Variants in ENTPD1 observed in about 807,000 individuals in gnomAD.
ENTPD1 encodes the protein ATP diphosphohydrolase.
Under a neutral mutation model 57.0 loss-of-function variants are expected in ENTPD1, and 33 were observed. The ratio of observed to expected loss-of-function variants is 0.58; its 90% CI spans 0.44 to 0.77. The LOEUF (loss-of-function observed/expected upper bound fraction) is 0.77, where lower values mean the gene tolerates loss of function less well. Ranked by LOEUF, ENTPD1 falls within the 30% of genes least tolerant of loss-of-function variation. ENTPD1 has a pLI of 0.00. For synonymous variants in ENTPD1, 202 were observed against 218.8 expected, an observed-to-expected ratio of 0.92 and a Z score of 0.68; for missense variants, 501 against 603.4, an observed-to-expected ratio of 0.83 and a Z score of 1.78.
At chr10:95,824,074 C>T (rs192840300) in intron 2 of ENTPD1, among the ~76,000 whole-genome samples, 58 of 152,256 alleles carry the variant, frequency 3.8e-4, no homozygotes, top group African/African-American at 1.3e-3. Context: ...GAATATCTCA[C>T]AAGTACTTTG....
chr10:95,743,498 G>C (rs2098002543), intron 1 of ENTPD1, among the ~76,000 whole-genome samples: 1 of 152,162 alleles, frequency 6.6e-6, no homozygotes, highest in South Asian at 2.1e-4. Context: ...CTCCTAGAGA[G>C]TGGAGTATTT....
At chr10:95,778,683 G>A (rs2098143753) in intron 1 of ENTPD1, among the ~76,000 whole-genome samples, 4 of 151,912 alleles carry the variant, frequency 2.6e-5, no homozygotes, top group Admixed American at 2.6e-4. Context: ...TTTATTTTCT[G>A]ATAGTTTATT....
intron 1 of ENTPD1, among the ~76,000 whole-genome samples, chr10:95,780,967 C>T (rs372004610): frequency 3.0e-4 from 46 of 152,116 alleles, no homozygotes; most frequent in Non-Finnish European, 4.7e-4. Context: ...CTCCCATGTT[C>T]GTTGCAGCAT....
At chr10:95,746,267 G>C (rs1346788410) in intron 1 of ENTPD1, among the ~76,000 whole-genome samples, 3 of 152,204 alleles carry the variant, frequency 2.0e-5, no homozygotes, top group Non-Finnish European at 4.4e-5. Context: ...GCCAGAGTCT[G>C]TGTTGGGAGT....
chr10:95,752,418 G>T (rs1283231195), upstream of ENTPD1, among the ~76,000 whole-genome samples: 3 of 152,174 alleles, frequency 2.0e-5, no homozygotes, highest in African/African-American at 7.2e-5. Flanking sequence ...ACTTTGGGAG[G>T]CCGAGGTGGG....
chr10:95,839,173 C>G (rs1590096232), intron 2 of ENTPD1: 1 of 158,528 alleles, frequency 6.3e-6, no homozygotes, highest in Non-Finnish European at 1.4e-5. Flanking sequence ...CTTATCTGCA[C>G]ATTAGAATCA....
At chr10:95,824,066 A>T (rs908444883) in intron 2 of ENTPD1, among the ~76,000 whole-genome samples, 9 of 152,246 alleles carry the variant, frequency 5.9e-5, no homozygotes, top group Non-Finnish European at 1.0e-4. Context: ...TCAGACATGA[A>T]TATCTCACAA....
intron 1 of ENTPD1, among the ~76,000 whole-genome samples, chr10:95,740,992 G>A (rs1377052746): frequency 6.6e-6 from 1 of 152,150 alleles, no homozygotes; most frequent in Non-Finnish European, 1.5e-5. Flanking sequence ...TAGTAATAAG[G>A]CTGTTTCTCT....
At chr10:95,819,005 C>A (rs907214381) in intron 1 of ENTPD1, among the ~76,000 whole-genome samples, 1 of 152,122 alleles carries the variant, frequency 6.6e-6, no homozygotes, top group Non-Finnish European at 1.5e-5. Context: ...ATCTGCAAAG[C>A]AAAACTTTTT....
At chr10:95,703,349 A>G in the ENTPD1 span, among the ~76,000 whole-genome samples, 1 of 152,370 alleles carries the variant, frequency 6.6e-6, no homozygotes, top group Admixed American at 6.5e-5. Flanking sequence ...CAATGGAAAG[A>G]ATAAATATAA....
intron 1 of ENTPD1, among the ~76,000 whole-genome samples, chr10:95,723,585 A>T (rs2097980167): frequency 6.6e-6 from 1 of 152,140 alleles, no homozygotes; most frequent in African/African-American, 2.4e-5. Context: ...GATGGGAGGA[A>T]GTAGATTCAG....
intron 1 of ENTPD1, among the ~76,000 whole-genome samples, chr10:95,731,218 C>T (rs928575788): frequency 8.5e-5 from 13 of 152,224 alleles, no homozygotes; most frequent in African/African-American, 3.1e-4. Context: ...TCTCCATTCT[C>T]CTCCACCCTG....
intron 1 of ENTPD1, among the ~76,000 whole-genome samples, chr10:95,806,533 G>C (rs2098273235): frequency 1.3e-5 from 2 of 152,168 alleles, no homozygotes; most frequent in Admixed American, 1.3e-4. Flanking sequence ...TCCATTGCTG[G>C]CAAGGAGCTG....
rs943395329 is a variant in ENTPD1, at chr10:95,718,748, C to T, written c.37+6755C>T. The stretch of plus-strand genomic sequence containing the variant: ...CTTTCAAGTATTCCATTATTACTGA[C>T]CACTGCATACCCCACTTTTCGAAGT... On this transcript the variant is annotated intron_variant, in intron 1 of 9. Transcript: ENST00000453258. Among the ~76,000 whole-genome samples, 3 of 152,182 alleles carry T rather than the reference C, an allele frequency of 2.0e-5. No individual in the cohort carries two copies. The South Asian group carries it at 6.2e-4, about 32-fold the overall frequency.
chr10:95,715,352 C>T (rs1418690340), intron 1 of ENTPD1, among the ~76,000 whole-genome samples: 1 of 152,142 alleles, frequency 6.6e-6, no homozygotes, highest in East Asian at 1.9e-4. Context: ...GTCATAAAGT[C>T]TATTTCATCT....
chr10:95,727,175 G>A (rs776286854), intron 1 of ENTPD1, among the ~76,000 whole-genome samples: 4 of 152,098 alleles, frequency 2.6e-5, no homozygotes, highest in African/African-American at 9.7e-5. Context: ...GTGACCTCTC[G>A]ATTTGAGTCA....
chr10:95,750,592 C>T (rs1465624782), intron 1 of ENTPD1, among the ~76,000 whole-genome samples: 1 of 152,154 alleles, frequency 6.6e-6, no homozygotes, highest in Non-Finnish European at 1.5e-5. Context: ...ATAAATTACC[C>T]AGTCTCAGGT....
chr10:95,737,930 A>G (rs2097996422), intron 1 of ENTPD1, among the ~76,000 whole-genome samples: 1 of 152,138 alleles, frequency 6.6e-6, no homozygotes, highest in Non-Finnish European at 1.5e-5. Context: ...TTGACTTGTA[A>G]ACGTATCATG....
chr10:95,709,896 C>G (rs34037152), upstream of ENTPD1, among the ~76,000 whole-genome samples: 23,966 of 151,790 alleles, frequency 0.16, 2,704 homozygotes, highest in East Asian at 0.56. Context: ...CCCGGCCCCC[C>G]CCACCAGTAG....
Sources: gnomAD v4.1 joint callset for allele counts (sites outside exome capture counted in the v4.1 genomes callset) on GRCh38, gnomAD v4.1.1 for gene constraint, MANE v1.5 for transcripts, NCBI Gene and HGNC (gene_info 2026-07-23, HGNC 2026-07-21) for gene names.